Variants in IDE observed in about 807,000 individuals in gnomAD.
The protein encoded by IDE is insulin-degrading enzyme.
A neutral mutation model predicts 133.2 loss-of-function variants in IDE; 58 were observed. That is an observed-to-expected ratio of 0.44 (90% CI 0.35 to 0.54). The LOEUF is 0.54. Ranked by LOEUF, IDE falls within the 20% of genes least tolerant of loss-of-function variation. The pLI, the probability that IDE is intolerant of heterozygous loss-of-function variation, is 0.00. For missense variants in IDE, 981 were observed against 1,234.0 expected (o/e 0.79, Z 3.07); for synonymous variants, 396 against 421.3 (o/e 0.94, Z 0.73).
At chr10:92,492,530 T>C (rs1847418202) in intron 11 of IDE, among the ~76,000 whole-genome samples, 1 of 152,198 alleles carries the variant, frequency 6.6e-6, no homozygotes, top group Non-Finnish European at 1.5e-5. Flanking sequence ...CAAGGAATTC[T>C]AGCCAATTAG....
At chr10:92,550,214 T>C (rs1382206950) in intron 1 of IDE, among the ~76,000 whole-genome samples, 3 of 151,826 alleles carry the variant, frequency 2.0e-5, no homozygotes, top group African/African-American at 7.2e-5. Flanking sequence ...AAAAAATTTC[T>C]GTGCAAAGGA....
chr10:92,465,673 C>T lies in IDE; in HGVS notation c.2488+3G>A. 3 of 1,608,746 alleles carry T rather than the reference C, an allele frequency of 1.9e-6. No individual in the cohort carries two copies. The highest frequency in any genetic ancestry group is 1.7e-6 in the Non-Finnish European group (2 of 1,175,608). ...CCCTGCTATTTCCCCACTTTCCTCT[C>T]ACCCAACTGCTCCTTGGTGCGCAGG... On this transcript the variant is annotated splice_donor_region_variant and intron_variant, in intron 20 of 24. Coordinates refer to ENST00000265986, the MANE Select transcript of IDE (RefSeq NM_004969.4).
At chr10:92,488,932 TAA>T (rs56377277) in intron 12 of IDE, among the ~76,000 whole-genome samples, 4 of 78,984 alleles carry the variant, frequency 5.1e-5, no homozygotes, top group East Asian at 4.1e-4. Context: ...TTTCATTATT[TAA>T]AAAAAAAAAA....
chr10:92,453,033 A>G lies in IDE; in HGVS notation c.*1411T>C, dbSNP rs929691594. On this transcript the variant is annotated 3_prime_UTR_variant, in exon 25 of 25. Coordinates refer to ENST00000265986, the MANE Select transcript of IDE (RefSeq NM_004969.4). ...GGAAAATGGCAAATGTAAAAACTTA[A>G]GATGTGAAAAGGTATGACTTTACAG... The G allele has an allele frequency of 6.6e-6, 1 of 152,352 alleles. No homozygotes were observed. Among genetic ancestry groups the G allele is most frequent in the Non-Finnish European group, 1.5e-5 (1 of 68,038 alleles). 9.4% of individuals were successfully genotyped at this position (152,352 alleles called of 1,614,324 possible). A position where few individuals can be genotyped will look rare whatever the true frequency, so the allele number is the denominator to read the frequency against.
At chr10:92,506,811 G>T (rs1043762696) in intron 9 of IDE, among the ~76,000 whole-genome samples, 3 of 152,086 alleles carry the variant, frequency 2.0e-5, no homozygotes, top group African/African-American at 4.8e-5. Context: ...AGCCTAAGTT[G>T]TTGAAACTAA....
intron 1 of IDE, among the ~76,000 whole-genome samples, chr10:92,566,411 T>TCACACACACACA (rs531974780): frequency 7.0e-6 from 1 of 142,952 alleles, no homozygotes; most frequent in African/African-American, 2.7e-5. Context: ...TCTCTCTCTC[T>TCACACACACACA]CTCACACACA....
intron 1 of IDE, among the ~76,000 whole-genome samples, chr10:92,565,911 C>A (rs1193981686): frequency 6.6e-6 from 1 of 151,990 alleles, no homozygotes; most frequent in African/African-American, 2.4e-5. Context: ...CTTGAGTGAG[C>A]CCAGTTGAAT....
intron 1 of IDE, chr10:92,573,194 G>C: frequency 4.1e-6 from 4 of 985,296 alleles, no homozygotes; most frequent in Non-Finnish European, 4.8e-6. Context: ...AGTGGAGAGG[G>C]CACGCCGCCG....
chr10:92,491,602 A>C (rs1476398342), intron 11 of IDE, among the ~76,000 whole-genome samples: 1 of 148,818 alleles, frequency 6.7e-6, no homozygotes, highest in Admixed American at 6.7e-5. Flanking sequence ...ACGCCTGGCT[A>C]ATTTTTGTTT....
intron 2 of IDE, 34 bp from the exon 3 acceptor site, chr10:92,534,819 G>C (rs987288753): frequency 1.1e-5 from 17 of 1,509,358 alleles, no homozygotes; most frequent in African/African-American, 4.1e-5. Context: ...ATAAATCATT[G>C]TCCTATGCTG....
chr10:92,531,818 A>T lies in IDE; in HGVS notation c.591T>A (p.Asp197Glu). 1 of 1,610,438 alleles carries T rather than the reference A, an allele frequency of 6.2e-7. No individual in the cohort carries two copies. The highest frequency in any genetic ancestry group is 8.5e-7 in the Non-Finnish European group (1 of 1,177,620). ...DSEHEKNVMN[D>E]AWRLFQLEKA... Reference sequence around the variant, plus strand: ...TTTCCAATTGAAAGAGTCTCCAGGCATCATTCATCACATTCTTCTCATGTT... The same window carrying T: ...TTTCCAATTGAAAGAGTCTCCAGGCTTCATTCATCACATTCTTCTCATGTT... Residue 197 changes from aspartate (D) to glutamate (E), a missense_variant, in exon 4 of 25, where the codon GAT (aspartate) becomes GAA (glutamate). Asp to Glu is a conservative substitution (Grantham distance 45). Around this residue, in one of 2 missense-constraint regions of IDE, gnomAD observed 321 missense variants for 339.3 expected, o/e 0.95. Transcript: ENST00000265986.
chr10:92,488,195 C>T (rs1174654376), intron 12 of IDE, among the ~76,000 whole-genome samples: 1 of 152,096 alleles, frequency 6.6e-6, no homozygotes, highest in Admixed American at 6.6e-5. Context: ...TCCTCTACCT[C>T]CCAGGTTCAA....
intron 5 of IDE, among the ~76,000 whole-genome samples, chr10:92,512,834 C>T (rs1248724936): frequency 2.6e-5 from 4 of 152,094 alleles, no homozygotes; most frequent in African/African-American, 9.7e-5. Flanking sequence ...ACAAAAGTTA[C>T]CATAATTTCA....
intron 15 of IDE, among the ~76,000 whole-genome samples, chr10:92,477,397 T>C (rs918111233): frequency 6.6e-6 from 1 of 152,066 alleles, no homozygotes; most frequent in Non-Finnish European, 1.5e-5. Context: ...CTCAAAGCAA[T>C]CTGCCTGCCT....
chr10:92,453,731 A>G lies in IDE; in HGVS notation c.*713T>C, dbSNP rs181824914. The stretch of plus-strand genomic sequence containing the variant: ...AAACCAACTATGAAGAAGTAGGTCA[A>G]TATAATTCAATCAGAATGAAAGAAA... On this transcript the variant is annotated 3_prime_UTR_variant, in exon 25 of 25. Coordinates refer to ENST00000265986, the MANE Select transcript of IDE (RefSeq NM_004969.4). 1 of 152,364 alleles carries G rather than the reference A, an allele frequency of 6.6e-6. No individual in the cohort carries two copies. Among genetic ancestry groups the G allele is most frequent in the Non-Finnish European group, 1.5e-5 (1 of 68,042 alleles). 9.4% of individuals were successfully genotyped at this position (152,364 alleles called of 1,614,324 possible).
chr10:92,459,396 G>A (rs1589357488), intron 22 of IDE, among the ~76,000 whole-genome samples: 1 of 152,170 alleles, frequency 6.6e-6, no homozygotes, highest in African/African-American at 2.4e-5. Flanking sequence ...TCATTCTAAT[G>A]AGAACTGTAA....
intron 17 of IDE, among the ~76,000 whole-genome samples, chr10:92,471,856 G>A (rs971813434): frequency 3.9e-5 from 6 of 152,060 alleles, no homozygotes; most frequent in African/African-American, 1.2e-4. Context: ...GCACCACCAC[G>A]CCTGGCTAAT....
Position 92,573,939 on chromosome 10 carries a change from A to G in IDE, c.81T>C (p.Pro27=). The change falls in exon 1 of 25, where the codon CCT becomes CCC. Residue 27 remains proline (P), a synonymous_variant. Transcript: ENST00000265986. Reference sequence around the variant, plus strand: ...CCGCTTACCCACACAGGCGCTCCGGAGGCGGCAGGCGGGCGCCGAGGACTG... The same window carrying G: ...CCGCTTACCCACACAGGCGCTCCGGGGGCGGCAGGCGGGCGCCGAGGACTG... The part of the protein sequence containing the change: ...FRSVLGARLP[P]PERLCGFQKK... 4 of 1,468,634 alleles carry G rather than the reference A, an allele frequency of 2.7e-6. No homozygotes were observed. In the South Asian group the frequency reaches 4.1e-5, roughly 15 times the overall value. The allele number at this position is 1,468,634 out of a possible 1,614,324, so 91.0% of individuals were successfully genotyped here. A position where few individuals can be genotyped will look rare whatever the true frequency, so the allele number is the denominator to read the frequency against.
chr10:92,476,840 G>C lies in IDE; in HGVS notation c.1885-846C>G, dbSNP rs147227384. Among the ~76,000 whole-genome samples the C allele has an allele frequency of 5.5e-3, 836 of 152,316 alleles. 7 individuals are homozygous for C. The highest frequency in any genetic ancestry group is 0.013 in the South Asian group (65 of 4,826). On this transcript the variant is annotated intron_variant, in intron 15 of 24. Coordinates refer to ENST00000265986, the MANE Select transcript of IDE (RefSeq NM_004969.4). ...CTTAAGGTTTCTACAGGTGAGGTAA[G>C]AAGATAAAAATCACAGGGCATAGTG...
Sources: allele counts gnomAD v4.1 joint callset (sites outside exome capture counted in the v4.1 genomes callset), GRCh38; gene constraint gnomAD v4.1.1; regional missense constraint gnomAD v4.1.1; transcripts MANE v1.5; gene names NCBI Gene and HGNC (gene_info 2026-07-23, HGNC 2026-07-21).